The following CUL5 variants were observed in gnomAD, a reference collection of about 807,000 sequenced individuals.
CUL5 encodes cullin-5.
Under a neutral mutation model 108.8 loss-of-function variants are expected in CUL5, and 26 were observed. The observed-to-expected ratio is 0.24, with a 90% CI of 0.18 to 0.33. The LOEUF (loss-of-function observed/expected upper bound fraction) is 0.33, where lower values mean the gene tolerates loss of function less well. Ranked by LOEUF, CUL5 falls within the 10% of genes least tolerant of loss-of-function variation. The pLI, the probability that CUL5 is intolerant of heterozygous loss-of-function variation, is 1.00. For missense variants in CUL5, 524 were observed against 909.2 expected, an observed-to-expected ratio of 0.58 and a Z score of 5.45; for synonymous variants, 334 against 298.0, an observed-to-expected ratio of 1.12 and a Z score of -1.25.
intron 18 of CUL5, 74 bp downstream of exon 18, chr11:108,098,603 T>C: frequency 4.7e-6 from 6 of 1,266,494 alleles, no homozygotes; most frequent in Non-Finnish European, 6.2e-6. Flanking sequence ...AATTTTGAAA[T>C]CTTTTTTGAA....
In CUL5 at chr11:108,094,501, A is replaced by G. The variant is rs143768517; in HGVS notation, c.1554A>G (p.Lys518=). The G allele has an allele frequency of 1.1e-4, 155 of 1,437,548 alleles. No individual in the cohort carries two copies. The highest frequency in any genetic ancestry group is 1.4e-4 in the Non-Finnish European group (146 of 1,042,930). 89.0% of individuals were successfully genotyped at this position (1,437,548 alleles called of 1,614,324 possible). A position where few individuals can be genotyped will look rare whatever the true frequency, so the allele number is the denominator to read the frequency against. ...QAFKEMHKNN[K]LALPADSVNI... is the part of the protein sequence containing the mutation. ...TTAAGGAAATGCACAAAAATAATAA[A>G]TTGGCATTACCAGGTATTATTTTAT... Residue 518 remains lysine (K), a synonymous_variant, in exon 14 of 19, where the codon AAA becomes AAG. Transcript: ENST00000393094.
chr11:108,081,725 C>G (rs924110331), intron 11 of CUL5, among the ~76,000 whole-genome samples: 1 of 152,174 alleles, frequency 6.6e-6, no homozygotes, highest in Non-Finnish European at 1.5e-5. Context: ...GCACTCCAGC[C>G]TGGGTGAGAG....
At chr11:108,064,048 A>G (rs1863615022) in intron 7 of CUL5, among the ~76,000 whole-genome samples, 1 of 152,032 alleles carries the variant, frequency 6.6e-6, no homozygotes, top group African/African-American at 2.4e-5. Context: ...TCTAACTACA[A>G]CTTCCAGTAT....
chr11:108,036,224 TAAAA>T, intron 2 of CUL5, among the ~76,000 whole-genome samples: 1 of 152,312 alleles, frequency 6.6e-6, no homozygotes, highest in South Asian at 2.1e-4. Context: ...CATCAGTAGT[TAAAA>T]AAGTCATAGT....
At chr11:108,014,597 G>T (rs1424028394) in intron 1 of CUL5, among the ~76,000 whole-genome samples, 1 of 152,166 alleles carries the variant, frequency 6.6e-6, no homozygotes, top group Non-Finnish European at 1.5e-5. Flanking sequence ...ATTGGCCATG[G>T]ATGAGGGGCA....
At chr11:108,094,732 T>C in intron 14 of CUL5, 80 bp from the exon 15 acceptor site, 1 of 1,161,734 alleles carries the variant, frequency 8.6e-7, no homozygotes, top group Non-Finnish European at 1.2e-6. Context: ...TATTGATTTT[T>C]CACCCAAAGT....
chr11:108,056,354 T>C (rs1399008867), intron 7 of CUL5, among the ~76,000 whole-genome samples: 1 of 152,244 alleles, frequency 6.6e-6, no homozygotes, highest in Non-Finnish European at 1.5e-5. Context: ...TTTTTTTTAC[T>C]TTTGACTTTT....
At chr11:108,035,634 G>T (rs1360126035) in intron 2 of CUL5, among the ~76,000 whole-genome samples, 1 of 151,800 alleles carries the variant, frequency 6.6e-6, no homozygotes, top group African/African-American at 2.4e-5. Context: ...CCATCTAATT[G>T]GGAGCTGAGG....
chr11:108,099,084 A>G (rs967501981), intron 18 of CUL5, among the ~76,000 whole-genome samples: 10 of 146,786 alleles, frequency 6.8e-5, no homozygotes, highest in Non-Finnish European at 8.9e-5. Flanking sequence ...AACTCACTGC[A>G]GCCTCAACTC....
In CUL5 at chr11:108,009,989, G is replaced by A. The variant is rs1862023418; in HGVS notation, c.24+617G>A. Reference sequence around the variant, plus strand: ...ACCCAGTTACAGGACACAACCAGATGACAACTGATGAAGCGATACCATCGT... The same window carrying A: ...ACCCAGTTACAGGACACAACCAGATAACAACTGATGAAGCGATACCATCGT... On this transcript the variant is annotated intron_variant, in intron 1 of 18. Coordinates refer to ENST00000393094, the MANE Select transcript of CUL5 (RefSeq NM_003478.6). Among the ~76,000 whole-genome samples the A allele has an allele frequency of 2.6e-5, 4 of 152,324 alleles. No homozygotes were observed. The South Asian group carries it at 8.3e-4, about 32-fold the overall frequency.
chr11:108,033,777 C>A, intron 1 of CUL5, 25 bp from the exon 2 acceptor site: 1 of 1,401,372 alleles, frequency 7.1e-7, no homozygotes, highest in Non-Finnish European at 9.9e-7. Flanking sequence ...AAATTAAACT[C>A]CCTTTTATCT....
Position 108,104,601 on chromosome 11 carries a change from T to A in CUL5, c.*217T>A, listed in dbSNP as rs1043620197. The A allele has an allele frequency of 2.8e-6, 1 of 357,966 alleles. No homozygotes were observed. Among genetic ancestry groups the A allele is most frequent in the African/African-American group, 2.1e-5 (1 of 47,410 alleles). The allele number at this position is 357,966 out of a possible 1,614,324, so 22.2% of individuals were successfully genotyped here. A position where few individuals can be genotyped will look rare whatever the true frequency, so the allele number is the denominator to read the frequency against. On this transcript the variant is annotated 3_prime_UTR_variant, in exon 19 of 19. Transcript: ENST00000393094. ...CACACTCTTTGACAGCATGCTGTTTTGTGGAGAAACTTGCATTCATGAAGA... is the reference window on the plus strand; with the variant it reads ...CACACTCTTTGACAGCATGCTGTTTAGTGGAGAAACTTGCATTCATGAAGA...
intron 7 of CUL5, among the ~76,000 whole-genome samples, chr11:108,065,447 G>A (rs116797539): frequency 0.026 from 3,888 of 152,210 alleles, 180 homozygotes; most frequent in African/African-American, 0.085. Flanking sequence ...CTTATAGTGC[G>A]AGGCTTGCTA....
intron 18 of CUL5, among the ~76,000 whole-genome samples, chr11:108,099,319 A>G (rs1478694543): frequency 6.6e-6 from 1 of 152,142 alleles, no homozygotes; most frequent in Non-Finnish European, 1.5e-5. Flanking sequence ...GTACTTTTTA[A>G]AATATAAAAC....
Position 108,105,302 on chromosome 11 carries a change from C to G in CUL5, c.*918C>G, listed in dbSNP as rs1864767671. 1 of 152,080 alleles carries G rather than the reference C, an allele frequency of 6.6e-6. No individual in the cohort carries two copies. The highest frequency in any genetic ancestry group is 1.5e-5 in the Non-Finnish European group (1 of 67,954). 9.4% of individuals were successfully genotyped at this position (152,080 alleles called of 1,614,324 possible). A position where few individuals can be genotyped will look rare whatever the true frequency, so the allele number is the denominator to read the frequency against. ...ATGCCATATCTGAATTTATTAAAAA[C>G]AACACAGAAATCTCCTGCTCTGATA... On this transcript the variant is annotated 3_prime_UTR_variant, in exon 19 of 19. Transcript: ENST00000393094.
chr11:108,066,349 A>G (rs560254770), intron 7 of CUL5, among the ~76,000 whole-genome samples: 2 of 152,276 alleles, frequency 1.3e-5, no homozygotes, highest in South Asian at 4.1e-4. Context: ...GTCTCAAAAA[A>G]AAAACCAGAG....
At chr11:108,015,740 ATGAT>A (rs1591270396) in intron 1 of CUL5, among the ~76,000 whole-genome samples, 1 of 152,328 alleles carries the variant, frequency 6.6e-6, no homozygotes, top group South Asian at 2.1e-4. Flanking sequence ...ATGAAAATAA[ATGAT>A]TGAACAATTA....
chr11:108,029,888 A>G (rs1200584814), intron 1 of CUL5, among the ~76,000 whole-genome samples: 1 of 152,144 alleles, frequency 6.6e-6, no homozygotes, highest in Admixed American at 6.5e-5. Context: ...TTTATTTTTA[A>G]TTGCAGGACT....
At chr11:108,082,638 A>AT (rs907597571) in intron 11 of CUL5, among the ~76,000 whole-genome samples, 85 of 147,580 alleles carry the variant, frequency 5.8e-4, no homozygotes, top group Admixed American at 2.7e-4. Flanking sequence ...AACACAACTG[A>AT]TTTTTTTTTC....
Sources: allele counts gnomAD v4.1 joint callset (sites outside exome capture counted in the v4.1 genomes callset), GRCh38; gene constraint gnomAD v4.1.1; transcripts MANE v1.5; gene names NCBI Gene and HGNC (gene_info 2026-07-23, HGNC 2026-07-21).